The following PISD variants were observed in gnomAD, a reference collection of about 807,000 sequenced individuals.
PISD encodes the protein phosphatidylserine decarboxylase proenzyme, mitochondrial.
In PISD, 31 loss-of-function variants were observed where a neutral mutation model predicts 43.5. The ratio of observed to expected loss-of-function variants is 0.71; its 90% CI spans 0.54 to 0.96. The LOEUF (loss-of-function observed/expected upper bound fraction) is 0.96. Ranked by LOEUF, PISD falls within the 40% of genes least tolerant of loss-of-function variation. PISD has a pLI of 0.00. For synonymous variants in PISD, 259 were observed against 228.7 expected (o/e 1.13, Z -1.20); for missense variants, 523 against 548.4 (o/e 0.95, Z 0.46).
chr22:31,620,719 G>A lies in PISD; in HGVS notation c.845-6C>T, dbSNP rs761942222. 30 of 1,614,148 alleles carry A rather than the reference G, an allele frequency of 1.9e-5. No homozygotes were observed. In the South Asian group the frequency reaches 2.4e-4, roughly 13 times the overall value. On this transcript the variant is annotated splice_region_variant and splice_polypyrimidine_tract_variant and intron_variant, in intron 6 of 7. Transcript: ENST00000439502. ...GTTCACTGACATCAGGGAGCCTGCA[G>A]AGGCAGGGAATGCCGCTACTCCCCG...
At chr22:31,639,536 A>C (rs1036017245) in intron 3 of PISD, among the ~76,000 whole-genome samples, 2 of 152,168 alleles carry the variant, frequency 1.3e-5, no homozygotes, top group African/African-American at 2.4e-5. Flanking sequence ...CTGAAAGTGT[A>C]TATTTTCAAT....
intron 3 of PISD, among the ~76,000 whole-genome samples, chr22:31,643,263 C>T (rs1175437048): frequency 6.6e-6 from 1 of 152,094 alleles, no homozygotes; most frequent in African/African-American, 2.4e-5. Context: ...TATTCATCTC[C>T]GTCATTTAAC....
At chr22:31,629,643 TGAGG>T (rs1051513312) in intron 3 of PISD, 1 of 144,948 alleles carries the variant, frequency 6.9e-6, no homozygotes, top group African/African-American at 2.6e-5. Context: ...GGTGTGTGCA[TGAGG>T]GTGTGTGTAG....
At chr22:31,642,856 A>T (rs1300821630) in intron 3 of PISD, among the ~76,000 whole-genome samples, 1 of 144,822 alleles carries the variant, frequency 6.9e-6, no homozygotes, top group Admixed American at 6.7e-5. Flanking sequence ...TAATCCCAGC[A>T]CTTTGGGAGG....
At chr22:31,622,130 G>C (rs1569481541) in intron 3 of PISD, among the ~76,000 whole-genome samples, 2 of 152,256 alleles carry the variant, frequency 1.3e-5, no homozygotes, top group Non-Finnish European at 1.5e-5. Context: ...TCATGCAAAA[G>C]TCAAATAGCA....
intron 3 of PISD, among the ~76,000 whole-genome samples, chr22:31,637,102 A>G (rs2073466780): frequency 6.9e-6 from 1 of 144,768 alleles, no homozygotes; most frequent in African/African-American, 2.6e-5. Flanking sequence ...TGCCTGGGCA[A>G]CACGGCAAAA....
chr22:31,627,554 G>T (rs576214401), intron 3 of PISD, among the ~76,000 whole-genome samples: 1 of 152,324 alleles, frequency 6.6e-6, no homozygotes, highest in East Asian at 1.9e-4. Context: ...CTGGTGCCTG[G>T]TTCCAAAGGG....
At chr22:31,656,681 T>TAAATAAAC (rs1384497131) in intron 1 of PISD, among the ~76,000 whole-genome samples, 7 of 150,068 alleles carry the variant, frequency 4.7e-5, no homozygotes, top group African/African-American at 9.8e-5. Context: ...AATAAATAAA[T>TAAATAAAC]AAACAAAACA....
intron 3 of PISD, among the ~76,000 whole-genome samples, chr22:31,634,271 C>T (rs779165918): frequency 9.8e-5 from 15 of 152,314 alleles, no homozygotes; most frequent in Non-Finnish European, 1.9e-4. Flanking sequence ...GGGGTCTTAA[C>T]GGCTAGTACA....
At chr22:31,662,316 G>T, upstream of PISD, 2 of 1,161,866 alleles carry the variant, frequency 1.7e-6, no homozygotes, top group Non-Finnish European at 2.5e-6. Context: ...CGCGGGTTGG[G>T]GGCGGAGCCG....
At position 31,647,625 on chromosome 22, in the gene PISD, A is replaced by C. The variant is rs9619217; in HGVS notation, c.321+476T>G. 1.1e-4 allele frequency among the ~76,000 whole-genome samples: 17 copies of C among 152,298 alleles called. No individual in the cohort carries two copies. In the South Asian group the frequency reaches 3.5e-3, roughly 32 times the overall value. ...GAAGCACAGATGAACAAGATGTTTC[A>C]TTACGTATCGTGCATTCCGTAACAA... On this transcript the variant is annotated intron_variant, in intron 3 of 7. Coordinates refer to ENST00000439502, the MANE Select transcript of PISD (RefSeq NM_001326411.2).
chr22:31,644,999 G>A (rs1024308508), intron 3 of PISD, among the ~76,000 whole-genome samples: 1 of 152,054 alleles, frequency 6.6e-6, no homozygotes, highest in Non-Finnish European at 1.5e-5. Flanking sequence ...ATAGGCACCT[G>A]TAATCCCAGC....
intron 3 of PISD, among the ~76,000 whole-genome samples, chr22:31,624,027 C>T (rs1255262597): frequency 6.6e-6 from 1 of 152,262 alleles, no homozygotes; most frequent in African/African-American, 2.4e-5. Context: ...GTCCCAACCC[C>T]ATTCTGATTC....
chr22:31,641,950 C>A (rs1483153744), intron 3 of PISD, among the ~76,000 whole-genome samples: 1 of 151,202 alleles, frequency 6.6e-6, no homozygotes, highest in African/African-American at 2.5e-5. Context: ...GTTTTAGAAG[C>A]CAAATGCATG....
At chr22:31,629,596 G>A (rs1200351119) in intron 3 of PISD, 2 of 146,944 alleles carry the variant, frequency 1.4e-5, no homozygotes, top group South Asian at 2.2e-4. Flanking sequence ...GTAGGTGCAA[G>A]GGGTGTGTGT....
chr22:31,628,886 T>G (rs1186924029), intron 3 of PISD: 4 of 985,258 alleles, frequency 4.1e-6, no homozygotes, highest in Non-Finnish European at 4.8e-6. Context: ...CACACTCCGG[T>G]GGGGGCAGGG....
chr22:31,655,322 T>C (rs1374197788), intron 1 of PISD, among the ~76,000 whole-genome samples: 1 of 151,906 alleles, frequency 6.6e-6, no homozygotes, highest in East Asian at 1.9e-4. Context: ...CCCCCTTTTT[T>C]TTTTTTTCCC....
intron 3 of PISD, 31 bp from the exon 4 acceptor site, chr22:31,621,916 A>C (rs751137396): frequency 2.0e-6 from 3 of 1,511,294 alleles, no homozygotes; most frequent in Non-Finnish European, 2.7e-6. Flanking sequence ...GGCTGAGTTG[A>C]CCACACTGCC....
chr22:31,648,403 G>A, intron 2 of PISD, 127 bp from the exon 3 acceptor site: 1 of 730,474 alleles, frequency 1.4e-6, no homozygotes, highest in Non-Finnish European at 2.3e-6. Context: ...AGGGGACCAG[G>A]CACATGGCTC....
Sources: allele counts gnomAD v4.1 joint callset (sites outside exome capture counted in the v4.1 genomes callset), GRCh38; gene constraint gnomAD v4.1.1; transcripts MANE v1.5; gene names NCBI Gene and HGNC (gene_info 2026-07-23, HGNC 2026-07-21).